ERBB4: variants seen among roughly 807,000 people sequenced by gnomAD.
ERBB4 encodes receptor tyrosine-protein kinase erbB-4.
In ERBB4, 42 loss-of-function variants were observed where a neutral mutation model predicts 158.0. The ratio of observed to expected loss-of-function variants is 0.27; its 90% CI spans 0.21 to 0.34. The LOEUF is 0.34. Among genes scored for constraint, ERBB4 ranks in the 10% least tolerant of loss-of-function variants. ERBB4 has a pLI of 1.00. For synonymous variants in ERBB4, 583 were observed against 558.7 expected (o/e 1.04, Z -0.61); for missense variants, 1,333 against 1,624.1 (o/e 0.82, Z 3.08).
At chr2:212,314,899 AT>A (rs2106247481) in intron 1 of ERBB4, among the ~76,000 whole-genome samples, 1 of 151,366 alleles carries the variant, frequency 6.6e-6, no homozygotes, top group South Asian at 2.1e-4. Context: ...TTAAATTATA[AT>A]TGTATAATGG....
intron 1 of ERBB4, among the ~76,000 whole-genome samples, chr2:212,281,938 G>A (rs578042422): frequency 1.3e-5 from 2 of 151,800 alleles, no homozygotes; most frequent in East Asian, 3.9e-4. Flanking sequence ...CTCAATACAC[G>A]ATACGTTTAT....
intron 2 of ERBB4, among the ~76,000 whole-genome samples, chr2:212,067,986 G>C (rs998711010): frequency 9.9e-5 from 15 of 152,000 alleles, no homozygotes; most frequent in Admixed American, 6.6e-5. Flanking sequence ...AAAAACGAAT[G>C]AACAGACTAC....
intron 5 of ERBB4, among the ~76,000 whole-genome samples, chr2:211,746,266 C>T (rs1051614401): frequency 6.6e-6 from 1 of 152,056 alleles, no homozygotes; most frequent in African/African-American, 2.4e-5. Context: ...CAGAGTGAAA[C>T]ACTGTCTCTA....
At position 211,529,532 on chromosome 2, in the gene ERBB4, A is replaced by G. The variant is rs182060862; in HGVS notation, c.2487+32371T>C. ...AGTATTACACTGATGCCAAAAGCAGACAGACACATCGAAAAAGAAAGCTAC... is the reference window on the plus strand; with the variant it reads ...AGTATTACACTGATGCCAAAAGCAGGCAGACACATCGAAAAAGAAAGCTAC... On this transcript the variant is annotated intron_variant, in intron 20 of 27. Transcript: ENST00000342788. Among the ~76,000 whole-genome samples the G allele has an allele frequency of 2.7e-3, 409 of 152,274 alleles. 2 individuals are homozygous for G. Among genetic ancestry groups the G allele is most frequent in the African/African-American group, 9.5e-3 (396 of 41,594 alleles).
intron 19 of ERBB4, among the ~76,000 whole-genome samples, chr2:211,609,823 C>T (rs2069124980): frequency 6.6e-6 from 1 of 152,148 alleles, no homozygotes; most frequent in Non-Finnish European, 1.5e-5. Context: ...AGTTCCTGTC[C>T]ATGACTTAAG....
chr2:211,555,927 A>G (rs2067224745), intron 20 of ERBB4, among the ~76,000 whole-genome samples: 1 of 152,194 alleles, frequency 6.6e-6, no homozygotes, highest in South Asian at 2.1e-4. Context: ...CTGCATGATA[A>G]CCAGCTAACA....
chr2:211,487,103 C>T (rs13020659), intron 20 of ERBB4, among the ~76,000 whole-genome samples: 3 of 150,366 alleles, frequency 2.0e-5, no homozygotes, highest in Non-Finnish European at 4.4e-5. Flanking sequence ...CCCATTAACT[C>T]GTCATTTACA....
chr2:211,838,013 G>C (rs1273928678), intron 3 of ERBB4, among the ~76,000 whole-genome samples: 2 of 151,900 alleles, frequency 1.3e-5, no homozygotes, highest in Admixed American at 1.3e-4. Context: ...TGGACTGCTT[G>C]GGTACCATCA....
chr2:212,003,391 A>G (rs1456907261), intron 2 of ERBB4, among the ~76,000 whole-genome samples: 3 of 151,246 alleles, frequency 2.0e-5, no homozygotes, highest in Non-Finnish European at 2.9e-5. Context: ...GTTTTTTCGT[A>G]TAACTCAATA....
At position 211,679,098 on chromosome 2, in the gene ERBB4, A is replaced by T. The variant is rs2105959319; in HGVS notation, c.1576T>A (p.Phe526Ile). ...TCTATGCAGATCCTTCCTCTACTGA[A>T]GCGGCGACACGACAGACATTGGTCT... Reference protein sequence around the residue: ...GPDQCLSCRRFSRGRICIESC... With the variant: ...GPDQCLSCRRISRGRICIESC... Residue 526 changes from phenylalanine (F) to isoleucine (I), a missense_variant, in exon 13 of 28, where the codon TTC becomes ATC. Physicochemically the swap from Phe to Ile is conservative, Grantham distance 21. This residue lies in a region of ERBB4 where 245 missense variants were observed against 247.5 expected (regional missense o/e 0.99). Coordinates refer to ENST00000342788, the MANE Select transcript of ERBB4 (RefSeq NM_005235.3). 6.2e-7 allele frequency: 1 copy of T among 1,613,792 alleles called. No homozygotes were observed. Among genetic ancestry groups the T allele is most frequent in the Non-Finnish European group, 8.5e-7 (1 of 1,179,884 alleles).
intron 1 of ERBB4, among the ~76,000 whole-genome samples, chr2:212,146,810 G>A (rs2080689473): frequency 6.6e-6 from 1 of 152,198 alleles, no homozygotes; most frequent in African/African-American, 2.4e-5. Flanking sequence ...TGGAAAGGCA[G>A]TAGCAGAATG....
chr2:212,343,466 T>C (rs909168049), intron 1 of ERBB4, among the ~76,000 whole-genome samples: 3 of 152,194 alleles, frequency 2.0e-5, no homozygotes, highest in African/African-American at 7.2e-5. Context: ...AAAAGGATGC[T>C]ATAAATCACT....
chr2:211,932,030 A>G (rs1178996376), intron 3 of ERBB4, among the ~76,000 whole-genome samples: 3 of 152,068 alleles, frequency 2.0e-5, no homozygotes, highest in African/African-American at 7.2e-5. Context: ...CAGTGCGAGT[A>G]TTAAGTTTCA....
At chr2:211,535,558 A>G (rs2066621726) in intron 20 of ERBB4, 1 of 150,220 alleles carries the variant, frequency 6.7e-6, no homozygotes, top group African/African-American at 2.5e-5. Flanking sequence ...GGAAAAACAT[A>G]ATGAGAAAAA....
intron 1 of ERBB4, among the ~76,000 whole-genome samples, chr2:212,360,052 A>G (rs942785946): frequency 7.2e-5 from 11 of 151,882 alleles, no homozygotes; most frequent in African/African-American, 2.4e-4. Context: ...AAGTAAAACA[A>G]TGTTATTCTT....
At chr2:211,492,424 T>C (rs1358725405) in intron 20 of ERBB4, among the ~76,000 whole-genome samples, 3 of 152,084 alleles carry the variant, frequency 2.0e-5, no homozygotes, top group African/African-American at 7.2e-5. Flanking sequence ...AATAAAACAG[T>C]TTATTGTGAG....
intron 1 of ERBB4, among the ~76,000 whole-genome samples, chr2:212,127,675 TTC>T: frequency 1.3e-5 from 2 of 152,294 alleles, no homozygotes; most frequent in East Asian, 3.9e-4. Flanking sequence ...CCCAAGACAA[TTC>T]TTTTTTCGAT....
At chr2:211,390,733 G>C (rs949753132) in intron 25 of ERBB4, among the ~76,000 whole-genome samples, 1 of 152,184 alleles carries the variant, frequency 6.6e-6, no homozygotes, top group Non-Finnish European at 1.5e-5. Flanking sequence ...GCTTTGACAA[G>C]TCTTTCAGTC....
chr2:212,185,648 G>A (rs1433884064), intron 1 of ERBB4, among the ~76,000 whole-genome samples: 5 of 151,968 alleles, frequency 3.3e-5, no homozygotes, highest in African/African-American at 4.8e-5. Context: ...GGGAATATAG[G>A]ACCATTCTAG....
Sources: allele counts gnomAD v4.1 joint callset (sites outside exome capture counted in the v4.1 genomes callset), GRCh38; gene constraint gnomAD v4.1.1; regional missense constraint gnomAD v4.1.1; transcripts MANE v1.5; gene names NCBI Gene and HGNC (gene_info 2026-07-23, HGNC 2026-07-21).